UPK3A: variants seen among roughly 807,000 people sequenced by gnomAD.
UPK3A encodes uroplakin 3A, also known as uroplakin-3a.
In UPK3A, 32 loss-of-function variants were observed where a neutral mutation model predicts 27.6. The ratio of observed to expected loss-of-function variants is 1.16; its 90% CI spans 0.87 to 1.55. The LOEUF (loss-of-function observed/expected upper bound fraction) is 1.55. UPK3A is among the 40% of genes most tolerant of loss of function. UPK3A has a pLI of 0.00. For missense variants in UPK3A, 370 were observed against 367.9 expected, an observed-to-expected ratio of 1.01 and a Z score of -0.05; for synonymous variants, 171 against 163.9, an observed-to-expected ratio of 1.04 and a Z score of -0.33.
At chr22:45,291,650 TGA>T (rs1265133507) in intron 4 of UPK3A, among the ~76,000 whole-genome samples, 3 of 149,670 alleles carry the variant, frequency 2.0e-5, no homozygotes, top group Non-Finnish European at 3.0e-5. Flanking sequence ...GTGTGGTGTG[TGA>T]GAGTGTGGCA....
chr22:45,294,011 G>C (rs1451292729), intron 5 of UPK3A, among the ~76,000 whole-genome samples: 1 of 152,038 alleles, frequency 6.6e-6, no homozygotes, highest in African/African-American at 2.4e-5. Flanking sequence ...CAGTCCACTA[G>C]CCCCTGGGAA....
At chr22:45,289,577 CAA>C (rs77091115) in intron 4 of UPK3A, among the ~76,000 whole-genome samples, 9,358 of 79,998 alleles carry the variant, frequency 0.12, 396 homozygotes, top group South Asian at 0.23. Flanking sequence ...GACTCCGTCT[CAA>C]AAAAAAAAAA....
rs74835096 is a variant in UPK3A at position 45,286,180 on chromosome 22, C to A, written c.208+84C>A. The A allele has an allele frequency of 8.1e-3, 12,599 of 1,551,944 alleles. 425 individuals carry two copies. In the East Asian group the frequency reaches 0.09, roughly 11 times the overall value. ...GGAGGGAAGGAGGCAGATAGAGGAA[C>A]CCTCCATGCCTGTAGTCGTCTCATT... On this transcript the variant is annotated intron_variant, in intron 2 of 5. Coordinates refer to ENST00000216211, the MANE Select transcript of UPK3A (RefSeq NM_006953.4).
At chr22:45,286,209 C>T in intron 2 of UPK3A, 113 bp downstream of exon 2, 3 of 1,380,198 alleles carry the variant, frequency 2.2e-6, no homozygotes, top group East Asian at 5.0e-5. Flanking sequence ...TCTCATTAAA[C>T]AGGTACTGCA....
intron 5 of UPK3A, among the ~76,000 whole-genome samples, chr22:45,293,535 A>G (rs2084176279): frequency 6.6e-6 from 1 of 152,066 alleles, no homozygotes; most frequent in Non-Finnish European, 1.5e-5. Flanking sequence ...GAAGGGTGGG[A>G]CTCAGCACCT....
At chr22:45,294,783 C>T (rs1344204023) in intron 5 of UPK3A, among the ~76,000 whole-genome samples, 2 of 152,004 alleles carry the variant, frequency 1.3e-5, no homozygotes, top group Non-Finnish European at 2.9e-5. Context: ...AAACTGCGAT[C>T]TGTACCATCG....
rs1056398316 is a variant in UPK3A at position 45,287,388 on chromosome 22, G to T, written c.425G>T (p.Cys142Phe). 1 of 1,612,764 alleles carries T rather than the reference G, an allele frequency of 6.2e-7. No homozygotes were observed. Among genetic ancestry groups the T allele is most frequent in the Non-Finnish European group, 8.5e-7 (1 of 1,179,446 alleles). ...YLVRVGANGT[C>F]LWDPNFQGLC... ...GTCAGGGTGGGTGCCAACGGGACCT[G>T]CCTGTGGGATCCCAACTTCCAGGGC... The change falls in exon 3 of 6, where the codon TGC (cysteine) becomes TTC (phenylalanine). Residue 142 changes from cysteine to phenylalanine, a missense_variant. Coordinates refer to ENST00000216211, the MANE Select transcript of UPK3A (RefSeq NM_006953.4).
chr22:45,295,106 G>A, intron 5 of UPK3A, among the ~76,000 whole-genome samples: 1 of 152,074 alleles, frequency 6.6e-6, no homozygotes, highest in East Asian at 1.9e-4. Flanking sequence ...CACCTCAGGT[G>A]ATCCACCTGC....
chr22:45,285,748 C>T (rs2084113206), intron 1 of UPK3A, among the ~76,000 whole-genome samples, 193 bp from the exon 2 acceptor site: 2 of 152,126 alleles, frequency 1.3e-5, no homozygotes, highest in African/African-American at 4.8e-5. Context: ...GAGAAGGCAG[C>T]AGTTTGGCCC....
intron 4 of UPK3A, among the ~76,000 whole-genome samples, chr22:45,292,566 G>A (rs1464569419): frequency 1.3e-5 from 2 of 152,116 alleles, no homozygotes; most frequent in Admixed American, 6.6e-5. Context: ...CCATATCTCA[G>A]CCATCTCACC....
At chr22:45,287,074 C>A in intron 2 of UPK3A, 98 bp from the exon 3 acceptor site, 1 of 1,558,578 alleles carries the variant, frequency 6.4e-7, no homozygotes, top group Non-Finnish European at 8.8e-7. Flanking sequence ...CAGCACAGAG[C>A]TGGGGCAGAA....
Position 45,285,932 on chromosome 22 carries a change from C to T in UPK3A, c.53-9C>T. Reference sequence around the variant, plus strand: ...GGAGGTCAGTTCCCATCCTCACTGCCTCCTCCAGCTGTGAACCTGCAGCCC... The same window carrying T: ...GGAGGTCAGTTCCCATCCTCACTGCTTCCTCCAGCTGTGAACCTGCAGCCC... On this transcript the variant is annotated splice_polypyrimidine_tract_variant and intron_variant, in intron 1 of 5. Coordinates refer to ENST00000216211, the MANE Select transcript of UPK3A (RefSeq NM_006953.4). The T allele has an allele frequency of 6.2e-7, 1 of 1,613,810 alleles. No homozygotes were observed. Among genetic ancestry groups the T allele is most frequent in the Non-Finnish European group, 8.5e-7 (1 of 1,179,980 alleles).
At chr22:45,293,452 G>A (rs2084175789) in intron 5 of UPK3A, 139 bp downstream of exon 5, 3 of 1,140,142 alleles carry the variant, frequency 2.6e-6, no homozygotes, top group Admixed American at 1.8e-5. Flanking sequence ...CCGCGGGTGG[G>A]GTCTGGTGAA....
chr22:45,291,137 G>A (rs1438504999), intron 4 of UPK3A, among the ~76,000 whole-genome samples: 6 of 152,166 alleles, frequency 3.9e-5, no homozygotes, highest in East Asian at 1.9e-4. Flanking sequence ...CCACAAAACC[G>A]ATCCCTGGTG....
chr22:45,285,745 C>T (rs996352725), intron 1 of UPK3A, among the ~76,000 whole-genome samples, 196 bp from the exon 2 acceptor site: 1 of 152,122 alleles, frequency 6.6e-6, no homozygotes, highest in African/African-American at 2.4e-5. Flanking sequence ...GGAGAGAAGG[C>T]AGCAGTTTGG....
Position 45,289,156 on chromosome 22 carries a change from C to T in UPK3A, c.571+13C>T. The T allele has an allele frequency of 6.2e-7, 1 of 1,613,432 alleles. No homozygotes were observed. Among genetic ancestry groups the T allele is most frequent in the South Asian group, 1.1e-5 (1 of 91,078 alleles). On this transcript the variant is annotated intron_variant, in intron 4 of 5. Transcript: ENST00000216211. ...CGCACCAACCAGCGTAAGTGGTGGG[C>T]AGTGGTGGTGGTGATGCTCAAGGGG...
rs968779320 is a variant in UPK3A at position 45,288,986 on chromosome 22, A to G, written c.489-75A>G. The stretch of plus-strand genomic sequence containing the variant: ...CCGTCTCCCACCCCTAGGCCATCCT[A>G]CATCCCCCCACCGCCTCCCTGTGGG... On this transcript the variant is annotated intron_variant, in intron 3 of 5. Coordinates refer to ENST00000216211, the MANE Select transcript of UPK3A (RefSeq NM_006953.4). 1.2e-5 allele frequency: 17 copies of G among 1,473,478 alleles called. No individual in the cohort carries two copies. In the African/African-American group the frequency reaches 2.1e-4, roughly 18 times the overall value. 91.3% of individuals were successfully genotyped at this position (1,473,478 alleles called of 1,614,324 possible).
intron 1 of UPK3A, 115 bp downstream of exon 1, chr22:45,285,180 A>T: frequency 9.8e-7 from 1 of 1,016,798 alleles, no homozygotes; most frequent in Non-Finnish European, 1.4e-6. Flanking sequence ...TATTACTGTT[A>T]TGAATAATAG....
At chr22:45,289,340 C>T (rs1282431947) in intron 4 of UPK3A, among the ~76,000 whole-genome samples, 197 bp downstream of exon 4, 1 of 152,120 alleles carries the variant, frequency 6.6e-6, no homozygotes, top group African/African-American at 2.4e-5. Flanking sequence ...CTTTGGGAGG[C>T]TGAGGCAGGT....
Sources: allele counts gnomAD v4.1 joint callset (sites outside exome capture counted in the v4.1 genomes callset), GRCh38; gene constraint gnomAD v4.1.1; transcripts MANE v1.5; gene names NCBI Gene and HGNC (gene_info 2026-07-23, HGNC 2026-07-21).